Variants in PCDH7 observed in about 807,000 individuals in gnomAD.
PCDH7 encodes protocadherin-7.
Under a neutral mutation model 58.9 loss-of-function variants are expected in PCDH7, and 17 were observed. That is an observed-to-expected ratio of 0.29 (90% CI 0.20 to 0.43). The LOEUF (loss-of-function observed/expected upper bound fraction) is 0.43. Among genes scored for constraint, PCDH7 ranks in the 20% least tolerant of loss-of-function variants. PCDH7 has a pLI of 1.00. For synonymous variants in PCDH7, 664 were observed against 616.4 expected, an observed-to-expected ratio of 1.08 and a Z score of -1.14; for missense variants, 1,274 against 1,441.0, an observed-to-expected ratio of 0.88 and a Z score of 1.88.
At chr4:31,020,378 G>A (rs180923993) in intron 3 of PCDH7, among the ~76,000 whole-genome samples, 15 of 152,240 alleles carry the variant, frequency 9.9e-5, no homozygotes, top group South Asian at 4.1e-4. Context: ...TCGCACGCGC[G>A]TGCACATGCA....
chr4:31,047,689 T>C (rs953176616), intron 3 of PCDH7, among the ~76,000 whole-genome samples: 22 of 152,118 alleles, frequency 1.4e-4, no homozygotes, highest in Non-Finnish European at 2.6e-4. Context: ...CATTTAGAAA[T>C]TGATGTTGCT....
rs188710520 is a variant in PCDH7, at chr4:30,821,586, C to T, written c.70+96990C>T. ...TGCTTAAGATTTCCCACCCCTTAGG[C>T]GGGCCTGAAATCGGTATAAGGCAGT... On this transcript the variant is annotated intron_variant, in intron 1 of 3. Transcript: ENST00000509759. Among the ~76,000 whole-genome samples, 318 of 152,276 alleles carry T rather than the reference C, an allele frequency of 2.1e-3. 2 individuals carry two copies. The highest frequency in any genetic ancestry group is 6.8e-3 in the African/African-American group (282 of 41,550).
At chr4:30,824,103 CTTTCTT>C (rs1728751157) in intron 1 of PCDH7, among the ~76,000 whole-genome samples, 1 of 128,686 alleles carries the variant, frequency 7.8e-6, no homozygotes, top group South Asian at 2.9e-4. Context: ...TTCTTTCTTT[CTTTCTT>C]TCTTTCTTTC....
chr4:30,992,793 CTTTTTTT>C (rs577504420), intron 3 of PCDH7, among the ~76,000 whole-genome samples: 9 of 95,652 alleles, frequency 9.4e-5, no homozygotes, highest in Admixed American at 7.5e-4. Flanking sequence ...CTGTCCCATT[CTTTTTTT>C]TTTTTTTTTT....
intron 3 of PCDH7, among the ~76,000 whole-genome samples, chr4:31,092,269 A>G (rs969967018): frequency 4.6e-5 from 7 of 152,050 alleles, no homozygotes; most frequent in African/African-American, 1.7e-4. Flanking sequence ...TTTGTTAGCT[A>G]TGAAGTTGAA....
At chr4:31,037,382 T>G (rs1430054016) in intron 3 of PCDH7, among the ~76,000 whole-genome samples, 1 of 152,304 alleles carries the variant, frequency 6.6e-6, no homozygotes, top group South Asian at 2.1e-4. Flanking sequence ...CTTGCTAATA[T>G]TGCCATTATT....
At chr4:30,930,211 A>G (rs539653490) in intron 2 of PCDH7, among the ~76,000 whole-genome samples, 1 of 152,284 alleles carries the variant, frequency 6.6e-6, no homozygotes, top group East Asian at 1.9e-4. Context: ...AAGGGTGGAA[A>G]AGTAGGGATT....
At chr4:30,888,291 TAC>T (rs937313566) in intron 1 of PCDH7, among the ~76,000 whole-genome samples, 3 of 141,322 alleles carry the variant, frequency 2.1e-5, no homozygotes, top group Admixed American at 1.4e-4. Context: ...CACACACACA[TAC>T]ACACACACAC....
intron 3 of PCDH7, among the ~76,000 whole-genome samples, chr4:31,067,136 G>A (rs1365677140): frequency 6.6e-6 from 1 of 151,906 alleles, no homozygotes; most frequent in Non-Finnish European, 1.5e-5. Flanking sequence ...AGTGTACTAT[G>A]CATGGGATTC....
chr4:30,951,380 ATGGC>A (rs1254612271), intron 3 of PCDH7, among the ~76,000 whole-genome samples: 1 of 152,174 alleles, frequency 6.6e-6, no homozygotes, highest in African/African-American at 2.4e-5. Flanking sequence ...TTAGAAATGT[ATGGC>A]TTTCTATTAG....
At chr4:30,797,495 C>T (rs1439273446) in intron 1 of PCDH7, among the ~76,000 whole-genome samples, 2 of 151,882 alleles carry the variant, frequency 1.3e-5, no homozygotes, top group Non-Finnish European at 2.9e-5. Context: ...AGGATGGTCT[C>T]GATTTCCTGA....
At chr4:31,099,938 G>T (rs1714682327) in intron 3 of PCDH7, among the ~76,000 whole-genome samples, 1 of 150,156 alleles carries the variant, frequency 6.7e-6, no homozygotes, top group Non-Finnish European at 1.5e-5. Flanking sequence ...TTAACTTTGT[G>T]CCTATAACAT....
chr4:30,843,200 ATTATTTAT>A (rs915556157), intron 1 of PCDH7, among the ~76,000 whole-genome samples: 1 of 150,674 alleles, frequency 6.6e-6, no homozygotes, highest in Non-Finnish European at 1.5e-5. Context: ...ATAGAACTTT[ATTATTTAT>A]TTATTTATTT....
chr4:30,764,259 G>A (rs981226237), intron 1 of PCDH7, among the ~76,000 whole-genome samples: 1 of 152,142 alleles, frequency 6.6e-6, no homozygotes, highest in African/African-American at 2.4e-5. Context: ...TGTAGTATTT[G>A]TAATGATAAT....
At chr4:31,050,728 T>G (rs1223086283) in intron 3 of PCDH7, among the ~76,000 whole-genome samples, 1 of 152,288 alleles carries the variant, frequency 6.6e-6, no homozygotes, top group Non-Finnish European at 1.5e-5. Flanking sequence ...TTACCTCTAC[T>G]TCTACACTCA....
chr4:31,100,344 A>C (rs1714747745), intron 3 of PCDH7, among the ~76,000 whole-genome samples: 1 of 152,166 alleles, frequency 6.6e-6, no homozygotes, highest in Admixed American at 6.5e-5. Context: ...AATGTAAAAG[A>C]ATGACCACAT....
At chr4:30,931,212 C>A (rs1167211499) in intron 2 of PCDH7, among the ~76,000 whole-genome samples, 1 of 152,012 alleles carries the variant, frequency 6.6e-6, no homozygotes, top group Non-Finnish European at 1.5e-5. Flanking sequence ...CCTTGGCTAC[C>A]GTTGCATGAT....
At chr4:30,784,782 A>T (rs1319364402) in intron 1 of PCDH7, among the ~76,000 whole-genome samples, 4 of 152,060 alleles carry the variant, frequency 2.6e-5, no homozygotes, top group Admixed American at 6.6e-5. Flanking sequence ...TTTAAGAGAG[A>T]GATGGGGAAA....
At chr4:30,756,643 C>T (rs13353549) in intron 1 of PCDH7, among the ~76,000 whole-genome samples, 6,157 of 152,098 alleles carry the variant, frequency 0.04, 301 homozygotes, top group African/African-American at 0.12. Flanking sequence ...GTTTGTTATC[C>T]CTGTATGTTA....
Sources: gnomAD v4.1 joint callset for allele counts (sites outside exome capture counted in the v4.1 genomes callset) on GRCh38, gnomAD v4.1.1 for gene constraint, MANE v1.5 for transcripts, NCBI Gene and HGNC (gene_info 2026-07-23, HGNC 2026-07-21) for gene names.